TENM3: variants seen among roughly 807,000 people sequenced by gnomAD.
TENM3 encodes the protein teneurin-3.
A neutral mutation model predicts 255.1 loss-of-function variants in TENM3; 63 were observed. The ratio of observed to expected loss-of-function variants is 0.25; its 90% confidence interval spans 0.20 to 0.30. TENM3 has a LOEUF of 0.30. TENM3 is among the 10% of genes least tolerant of loss of function. The pLI is 1.00. For synonymous variants in TENM3, 1,306 were observed against 1,322.3 expected (o/e 0.99, Z 0.27); for missense variants, 2,929 against 3,461.1 (o/e 0.85, Z 3.86).
intron 2 of TENM3, among the ~76,000 whole-genome samples, chr4:182,345,514 T>C (rs1490717221): frequency 6.6e-6 from 1 of 152,176 alleles, no homozygotes; most frequent in African/African-American, 2.4e-5. Context: ...AAATCAGTCT[T>C]TGTAGGTTAC....
intron 3 of TENM3, among the ~76,000 whole-genome samples, chr4:182,569,770 C>A (rs985061768): frequency 2.6e-5 from 4 of 152,108 alleles, no homozygotes; most frequent in African/African-American, 9.7e-5. Flanking sequence ...ACAGTGGAAC[C>A]AGGCAACATG....
chr4:181,480,292 A>G, the TENM3 span, among the ~76,000 whole-genome samples: 1 of 152,168 alleles, frequency 6.6e-6, no homozygotes, highest in Non-Finnish European at 1.5e-5. Context: ...CACCAAAGTT[A>G]TGAGAATGAG....
intron 4 of TENM3, among the ~76,000 whole-genome samples, chr4:182,618,115 GAAGT>G (rs1749719815): frequency 6.6e-6 from 1 of 152,170 alleles, no homozygotes; most frequent in Admixed American, 6.5e-5. Flanking sequence ...AACTGCTTAT[GAAGT>G]TAATCTAATT....
the TENM3 span, among the ~76,000 whole-genome samples, chr4:182,114,801 A>T: frequency 1.2e-4 from 18 of 152,330 alleles, no homozygotes; most frequent in Middle Eastern, 6.8e-3. Flanking sequence ...CTTAGTGTGT[A>T]TACATATACT....
At chr4:182,634,792 G>A (rs1297747062) in intron 5 of TENM3, among the ~76,000 whole-genome samples, 1 of 151,280 alleles carries the variant, frequency 6.6e-6, no homozygotes, top group East Asian at 1.9e-4. Context: ...TCCATGTTCT[G>A]CGTCTGTTCA....
intron 1 of TENM3, among the ~76,000 whole-genome samples, chr4:182,193,516 T>C (rs1184856091): frequency 6.6e-6 from 1 of 152,202 alleles, no homozygotes; most frequent in Non-Finnish European, 1.5e-5. Flanking sequence ...GTGTGAAGTT[T>C]ACCACATTTG....
At chr4:181,534,851 G>A in the TENM3 span, among the ~76,000 whole-genome samples, 1 of 152,128 alleles carries the variant, frequency 6.6e-6, no homozygotes, top group Non-Finnish European at 1.5e-5. Flanking sequence ...CTCAAACTCA[G>A]AACAGTCCTT....
At chr4:181,841,349 G>T in the TENM3 span, among the ~76,000 whole-genome samples, 3 of 151,934 alleles carry the variant, frequency 2.0e-5, no homozygotes, top group Non-Finnish European at 4.4e-5. Context: ...GTGTACTAAG[G>T]ATCAATTGCA....
At position 182,397,784 on chromosome 4, in the gene TENM3, G is replaced by C. The variant is rs1373450728; in HGVS notation, c.511+50855G>C. Among the ~76,000 whole-genome samples, 4 of 152,120 alleles carry C rather than the reference G, an allele frequency of 2.6e-5. No homozygotes were observed. In the East Asian group the frequency reaches 7.7e-4, roughly 29 times the overall value. On this transcript the variant is annotated intron_variant, in intron 3 of 27. Coordinates refer to ENST00000511685, the MANE Select transcript of TENM3 (RefSeq NM_001080477.4). ...CCCCTTCCCCCAAGTTTCTGATTCG[G>C]TGGCTCTGGGCTATGACTTGCGAAG...
intron 3 of TENM3, among the ~76,000 whole-genome samples, chr4:182,478,675 G>A (rs1483752912): frequency 1.3e-5 from 2 of 151,516 alleles, no homozygotes; most frequent in Non-Finnish European, 2.9e-5. Flanking sequence ...TTGTACTATT[G>A]TTCTAGAATA....
chr4:181,696,470 C>T, the TENM3 span, among the ~76,000 whole-genome samples: 320 of 152,262 alleles, frequency 2.1e-3, 1 homozygote, highest in African/African-American at 6.7e-3. Flanking sequence ...CATCAATAAA[C>T]GTATTAACAT....
At chr4:182,057,863 G>A in the TENM3 span, among the ~76,000 whole-genome samples, 3 of 152,016 alleles carry the variant, frequency 2.0e-5, no homozygotes, top group African/African-American at 7.3e-5. Flanking sequence ...CCCCATGGAG[G>A]ATTTCTGCCA....
the TENM3 span, among the ~76,000 whole-genome samples, chr4:181,641,569 T>TG: frequency 1.6e-5 from 1 of 61,398 alleles, no homozygotes; most frequent in Non-Finnish European, 3.4e-5. Context: ...TATATATATA[T>TG]ATATATATAT....
At chr4:181,721,122 G>T in the TENM3 span, among the ~76,000 whole-genome samples, 1 of 151,948 alleles carries the variant, frequency 6.6e-6, no homozygotes, top group Non-Finnish European at 1.5e-5. Flanking sequence ...AAAAAAAAGG[G>T]TCATTCCGGG....
Position 182,800,422 on chromosome 4 carries a change from T to C in TENM3, c.*71T>C, listed in dbSNP as rs1579566804. ...TCCTGTGGCACAACCCGAGTGGGAC[T>C]CTCCAACGCCCAAGAGCCTTCCTCC... On this transcript the variant is annotated 3_prime_UTR_variant, in exon 28 of 28. Transcript: ENST00000511685. The C allele has an allele frequency of 1.4e-6, 2 of 1,462,176 alleles. No individual in the cohort carries two copies. The highest frequency in any genetic ancestry group is 2.9e-5 in the African/African-American group (2 of 70,014). 90.6% of individuals were successfully genotyped at this position (1,462,176 alleles called of 1,614,324 possible).
intron 1 of TENM3, among the ~76,000 whole-genome samples, chr4:182,245,095 A>G (rs964823136): frequency 6.6e-6 from 1 of 152,204 alleles, no homozygotes; most frequent in Non-Finnish European, 1.5e-5. Context: ...TTGTTTGTTT[A>G]ATGGGCAGAG....
the TENM3 span, among the ~76,000 whole-genome samples, chr4:181,516,270 T>G: frequency 6.6e-6 from 1 of 151,024 alleles, no homozygotes; most frequent in Non-Finnish European, 1.5e-5. Context: ...GCTTAATACA[T>G]AGGTGATGGG....
the TENM3 span, among the ~76,000 whole-genome samples, chr4:181,831,380 G>C: frequency 1.3e-5 from 2 of 151,446 alleles, no homozygotes; most frequent in African/African-American, 4.8e-5. Context: ...TATTTCTCCA[G>C]TTTTATTTCG....
the TENM3 span, among the ~76,000 whole-genome samples, chr4:181,742,687 T>G: frequency 4.6e-5 from 7 of 151,298 alleles, no homozygotes; most frequent in Admixed American, 1.3e-4. Context: ...TTTTTTTTTA[T>G]TATTATACTT....
Sources: gnomAD v4.1 joint callset for allele counts (sites outside exome capture counted in the v4.1 genomes callset) on GRCh38, gnomAD v4.1.1 for gene constraint, MANE v1.5 for transcripts, NCBI Gene and HGNC (gene_info 2026-07-23, HGNC 2026-07-21) for gene names.